GPR137C: variants seen among roughly 807,000 people sequenced by gnomAD.
GPR137C encodes the protein G protein-coupled receptor 137C.
A neutral mutation model predicts 43.4 loss-of-function variants in GPR137C; 27 were observed. The observed-to-expected ratio is 0.62, with a 90% confidence interval of 0.46 to 0.86. The LOEUF is 0.86. Ranked by LOEUF, GPR137C falls within the 40% of genes least tolerant of loss-of-function variation. GPR137C has a pLI of 0.00. For synonymous variants in GPR137C, 285 were observed against 226.9 expected (o/e 1.26, Z -2.30); for missense variants, 522 against 534.6 (o/e 0.98, Z 0.23).
intron 3 of GPR137C, chr14:52,611,858 A>G: frequency 3.9e-6 from 3 of 767,868 alleles, no homozygotes; most frequent in Non-Finnish European, 4.7e-6. Flanking sequence ...ATAATAATGT[A>G]TGGAAAGTCA....
At chr14:52,563,339 C>G (rs1468884317) in intron 1 of GPR137C, among the ~76,000 whole-genome samples, 1 of 151,184 alleles carries the variant, frequency 6.6e-6, no homozygotes, top group Non-Finnish European at 1.5e-5. Flanking sequence ...ACAGATGACT[C>G]ACACTTATCT....
intron 3 of GPR137C, chr14:52,611,906 T>C: frequency 1.0e-6 from 1 of 979,620 alleles, no homozygotes; most frequent in Non-Finnish European, 1.2e-6. Context: ...AAATGTTGAC[T>C]CGCTATCATC....
intron 2 of GPR137C, among the ~76,000 whole-genome samples, chr14:52,599,400 A>G (rs1470454492): frequency 6.6e-6 from 1 of 151,720 alleles, no homozygotes; most frequent in Non-Finnish European, 1.5e-5. Context: ...AATATTGTTT[A>G]AAACATACTT....
chr14:52,616,160 T>C (rs2039096529), intron 3 of GPR137C, among the ~76,000 whole-genome samples: 1 of 152,252 alleles, frequency 6.6e-6, no homozygotes, highest in South Asian at 2.1e-4. Context: ...TGTTTGGATT[T>C]CAGCCCTGTC....
chr14:52,627,458 T>C (rs1433510566), intron 3 of GPR137C, among the ~76,000 whole-genome samples: 1 of 152,156 alleles, frequency 6.6e-6, no homozygotes, highest in Non-Finnish European at 1.5e-5. Context: ...GGTATACAGC[T>C]TTTCACATGT....
intron 1 of GPR137C, among the ~76,000 whole-genome samples, chr14:52,555,992 T>G (rs60822523): frequency 0.047 from 7,138 of 152,246 alleles, 405 homozygotes; most frequent in East Asian, 0.16. Context: ...TACTTCCCAT[T>G]GATCATTCTG....
chr14:52,625,356 C>T (rs185455376), intron 3 of GPR137C, among the ~76,000 whole-genome samples: 4 of 151,230 alleles, frequency 2.6e-5, no homozygotes, highest in African/African-American at 7.3e-5. Context: ...GTGGCGCGCA[C>T]CTGTACTCGC....
intron 3 of GPR137C, among the ~76,000 whole-genome samples, chr14:52,601,350 T>G (rs1194154938): frequency 6.6e-6 from 1 of 152,182 alleles, no homozygotes; most frequent in Non-Finnish European, 1.5e-5. Context: ...TTCGTTATCC[T>G]TAATATAGTC....
chr14:52,614,271 C>T (rs1204233562), intron 3 of GPR137C, among the ~76,000 whole-genome samples: 5 of 151,816 alleles, frequency 3.3e-5, no homozygotes, highest in African/African-American at 9.7e-5. Context: ...TAGGCATGCA[C>T]CACCACACCT....
chr14:52,565,710 G>A (rs2038358853), intron 1 of GPR137C, among the ~76,000 whole-genome samples: 1 of 152,032 alleles, frequency 6.6e-6, no homozygotes, highest in African/African-American at 2.4e-5. Flanking sequence ...CTAACTTCAT[G>A]GAACATTTCA....
chr14:52,596,272 G>A (rs533994580), intron 1 of GPR137C, among the ~76,000 whole-genome samples: 7 of 152,290 alleles, frequency 4.6e-5, no homozygotes, highest in East Asian at 1.9e-4. Flanking sequence ...CAGGCTACAC[G>A]GGTCAGGGAC....
At chr14:52,577,516 GCA>G (rs3064748) in intron 1 of GPR137C, among the ~76,000 whole-genome samples, 17,197 of 145,286 alleles carry the variant, frequency 0.12, 1,281 homozygotes, top group East Asian at 0.38. Flanking sequence ...GCGCGCGCGC[GCA>G]CACACACACA....
intron 1 of GPR137C, among the ~76,000 whole-genome samples, chr14:52,566,637 A>G (rs895881113): frequency 5.9e-5 from 9 of 152,254 alleles, no homozygotes; most frequent in African/African-American, 2.2e-4. Context: ...TGGCAGTAGC[A>G]GGAAATCCTT....
At chr14:52,567,938 G>C (rs193139131) in intron 1 of GPR137C, among the ~76,000 whole-genome samples, 1 of 152,140 alleles carries the variant, frequency 6.6e-6, no homozygotes, top group African/African-American at 2.4e-5. Context: ...GATTACAGGC[G>C]TGAGCCACCG....
At chr14:52,569,911 G>T (rs2038438305) in intron 1 of GPR137C, among the ~76,000 whole-genome samples, 1 of 151,206 alleles carries the variant, frequency 6.6e-6, no homozygotes, top group South Asian at 2.1e-4. Context: ...TCCTGAAGTG[G>T]GAAAACACTC....
intron 1 of GPR137C, among the ~76,000 whole-genome samples, chr14:52,572,303 A>G (rs1319124436): frequency 1.3e-5 from 2 of 152,198 alleles, no homozygotes; most frequent in Non-Finnish European, 2.9e-5. Flanking sequence ...AAAAAGGAAA[A>G]TTTCAGACCA....
intron 3 of GPR137C, among the ~76,000 whole-genome samples, chr14:52,625,822 G>A (rs1021025171): frequency 5.3e-5 from 8 of 151,782 alleles, no homozygotes; most frequent in African/African-American, 1.9e-4. Context: ...CCAAAGTGCT[G>A]GAATTACAGG....
chr14:52,602,007 T>C (rs966492380), intron 3 of GPR137C, among the ~76,000 whole-genome samples: 24 of 151,470 alleles, frequency 1.6e-4, no homozygotes, highest in Non-Finnish European at 3.4e-4. Context: ...AAAAGCTGTA[T>C]GGATTCGGAA....
intron 3 of GPR137C, among the ~76,000 whole-genome samples, chr14:52,627,477 C>A (rs753304206): frequency 1.1e-4 from 16 of 152,232 alleles, no homozygotes; most frequent in Admixed American, 7.2e-4. Flanking sequence ...GTCAATCATA[C>A]CTCAATAAAG....
Sources: allele counts gnomAD v4.1 joint callset (sites outside exome capture counted in the v4.1 genomes callset), GRCh38; gene constraint gnomAD v4.1.1; transcripts MANE v1.5; gene names NCBI Gene and HGNC (gene_info 2026-07-23, HGNC 2026-07-21).